CAMKMT: variants seen among roughly 807,000 people sequenced by gnomAD.
CAMKMT encodes the protein calmodulin-lysine N-methyltransferase.
In CAMKMT, 53 loss-of-function variants were observed where a neutral mutation model predicts 48.0. The ratio of observed to expected loss-of-function variants is 1.10; its 90% CI spans 0.89 to 1.39. The LOEUF is 1.39. CAMKMT is among the 40% of genes most tolerant of loss of function. CAMKMT has a pLI of 0.00. For missense variants in CAMKMT, 428 were observed against 402.7 expected (o/e 1.06, Z -0.54); for synonymous variants, 165 against 152.3 (o/e 1.08, Z -0.61).
At chr2:44,668,593 C>T (rs1675143283) in intron 3 of CAMKMT, among the ~76,000 whole-genome samples, 1 of 152,066 alleles carries the variant, frequency 6.6e-6, no homozygotes, top group Non-Finnish European at 1.5e-5. Flanking sequence ...TATTGCCTCA[C>T]CTCCAGTTCA....
chr2:44,671,375 A>G (rs2104127089), intron 3 of CAMKMT, among the ~76,000 whole-genome samples: 1 of 152,334 alleles, frequency 6.6e-6, no homozygotes, highest in East Asian at 1.9e-4. Context: ...AAAGCCTCAG[A>G]TGGGTAACAG....
intron 3 of CAMKMT, among the ~76,000 whole-genome samples, chr2:44,522,959 G>C (rs1051760046): frequency 3.3e-5 from 5 of 151,394 alleles, no homozygotes; most frequent in Admixed American, 2.0e-4. Context: ...ATTTCAAGCT[G>C]TTACACAAGG....
intron 3 of CAMKMT, among the ~76,000 whole-genome samples, chr2:44,614,546 G>C (rs1386501988): frequency 6.6e-6 from 1 of 152,126 alleles, no homozygotes; most frequent in Non-Finnish European, 1.5e-5. Flanking sequence ...AGCAAGATAA[G>C]CAGAACATAA....
At chr2:44,682,655 GC>G (rs907195277) in intron 3 of CAMKMT, among the ~76,000 whole-genome samples, 1 of 152,152 alleles carries the variant, frequency 6.6e-6, no homozygotes, top group Non-Finnish European at 1.5e-5. Context: ...AGACGACCGA[GC>G]TATCACAGCC....
chr2:44,531,665 A>G (rs543988490), intron 3 of CAMKMT, among the ~76,000 whole-genome samples: 1 of 152,250 alleles, frequency 6.6e-6, no homozygotes, highest in East Asian at 1.9e-4. Flanking sequence ...AAGTAAATAA[A>G]CAGTGATACT....
intron 2 of CAMKMT, among the ~76,000 whole-genome samples, chr2:44,375,095 C>T (rs922426933): frequency 6.6e-6 from 1 of 152,032 alleles, no homozygotes; most frequent in Admixed American, 6.6e-5. Flanking sequence ...CATGCCACTG[C>T]ACTCCAGTTT....
chr2:44,549,587 G>T lies in CAMKMT; in HGVS notation c.377-154696G>T, dbSNP rs1397591190. 38 of 689,100 alleles carry T rather than the reference G, an allele frequency of 5.5e-5. No homozygotes were observed. In the Admixed American group the frequency reaches 7.9e-4, roughly 14 times the overall value. The allele number at this position is 689,100 out of a possible 1,614,324, so 42.7% of individuals were successfully genotyped here. On this transcript the variant is annotated intron_variant, in intron 3 of 10. Coordinates refer to ENST00000378494, the MANE Select transcript of CAMKMT (RefSeq NM_024766.5). Reference sequence around the variant, plus strand: ...GTCTCACTCTGTTGCCCAGGCTGGAGTGCAGTGGTGATCATAACTCAGTGC... The same window carrying T: ...GTCTCACTCTGTTGCCCAGGCTGGATTGCAGTGGTGATCATAACTCAGTGC...
intron 3 of CAMKMT, among the ~76,000 whole-genome samples, chr2:44,438,802 AT>A (rs1666450866): frequency 6.6e-6 from 1 of 152,052 alleles, no homozygotes; most frequent in Non-Finnish European, 1.5e-5. Context: ...GGTTCAAGTG[AT>A]TCTCCTGCCT....
At chr2:44,635,316 A>C (rs949169657) in intron 3 of CAMKMT, among the ~76,000 whole-genome samples, 1 of 152,224 alleles carries the variant, frequency 6.6e-6, no homozygotes, top group Non-Finnish European at 1.5e-5. Flanking sequence ...AGTTATTGTT[A>C]TGAAAGCTAC....
At chr2:44,521,577 C>G (rs1671114809) in intron 3 of CAMKMT, among the ~76,000 whole-genome samples, 1 of 152,242 alleles carries the variant, frequency 6.6e-6, no homozygotes, top group Non-Finnish European at 1.5e-5. Context: ...TCACGCCCGT[C>G]TAGTATCCCA....
intron 3 of CAMKMT, among the ~76,000 whole-genome samples, chr2:44,628,156 C>G (rs1672603195): frequency 6.6e-6 from 1 of 152,104 alleles, no homozygotes; most frequent in South Asian, 2.1e-4. Flanking sequence ...CTATGTCACC[C>G]AGGCTAGTCT....
intron 7 of CAMKMT, among the ~76,000 whole-genome samples, chr2:44,731,623 G>A (rs1403461668): frequency 6.6e-6 from 1 of 152,136 alleles, no homozygotes; most frequent in Non-Finnish European, 1.5e-5. Flanking sequence ...AATTGACTTG[G>A]TTTTGTTTTT....
chr2:44,419,641 A>G lies in CAMKMT; in HGVS notation c.376+29336A>G, dbSNP rs376532098. On this transcript the variant is annotated intron_variant, in intron 3 of 10. Coordinates refer to ENST00000378494, the MANE Select transcript of CAMKMT (RefSeq NM_024766.5). The stretch of plus-strand genomic sequence containing the variant: ...GTCACCCAGCCTGGAGTGCAGTGGC[A>G]CAGTCATCACCGTAACCCTGAACTT... Among the ~76,000 whole-genome samples, 6 of 152,236 alleles carry G rather than the reference A, an allele frequency of 3.9e-5. No homozygotes were observed. In the South Asian group the frequency reaches 1.0e-3, roughly 26 times the overall value.
intron 3 of CAMKMT, among the ~76,000 whole-genome samples, chr2:44,510,167 C>G (rs537376569): frequency 6.6e-6 from 1 of 152,314 alleles, no homozygotes; most frequent in African/African-American, 2.4e-5. Context: ...TATCCTTTTT[C>G]TGGTCCATGA....
intron 3 of CAMKMT, among the ~76,000 whole-genome samples, chr2:44,475,907 C>A (rs1489540798): frequency 6.6e-6 from 1 of 152,194 alleles, no homozygotes; most frequent in East Asian, 1.9e-4. Context: ...TGCTCACCTA[C>A]TTATGTCCCT....
Position 44,443,148 on chromosome 2 carries a change from G to A in CAMKMT, c.376+52843G>A, listed in dbSNP as rs1666775380. On this transcript the variant is annotated intron_variant, in intron 3 of 10. Coordinates refer to ENST00000378494, the MANE Select transcript of CAMKMT (RefSeq NM_024766.5). ...GACTCATTTCACATCAAAATCTAAAGTGTGAAAAAATGTTCGTATCATTTG... is the reference window on the plus strand; with the variant it reads ...GACTCATTTCACATCAAAATCTAAAATGTGAAAAAATGTTCGTATCATTTG... 3.9e-5 allele frequency among the ~76,000 whole-genome samples: 6 copies of A among 152,106 alleles called. No homozygotes were observed. In the South Asian group the frequency reaches 1.2e-3, roughly 32 times the overall value.
intron 3 of CAMKMT, among the ~76,000 whole-genome samples, chr2:44,429,929 A>G (rs1438011995): frequency 2.0e-5 from 3 of 151,926 alleles, no homozygotes; most frequent in Non-Finnish European, 2.9e-5. Context: ...TAGTGATTAT[A>G]TATATGTGTA....
chr2:44,470,160 G>A (rs1419627079), intron 3 of CAMKMT, among the ~76,000 whole-genome samples: 2 of 151,870 alleles, frequency 1.3e-5, no homozygotes, highest in Non-Finnish European at 2.9e-5. Context: ...AAATATTTAG[G>A]TAGGAGGGTT....
rs762707227 is a variant in CAMKMT at position 44,754,096 on chromosome 2, T to C, written c.740T>C (p.Ile247Thr). The part of the protein sequence containing the change: ...DQYRASLVDA[I>T]KRLLQPRGKA... ...TACAGAGCCAGCCTTGTTGATGCAA[T>C]AAAGAGATTACTCCAGCCCAGGGTA... The change falls in exon 9 of 11, where the codon ATA (isoleucine) becomes ACA (threonine). Residue 247 changes from isoleucine (I) to threonine (T), a missense_variant. By Grantham distance (89) the Ile-to-Thr change is moderately conservative. Coordinates refer to ENST00000378494, the MANE Select transcript of CAMKMT (RefSeq NM_024766.5). 1.9e-6 allele frequency: 3 copies of C among 1,613,904 alleles called. No individual in the cohort carries two copies. The highest frequency in any genetic ancestry group is 2.5e-6 in the Non-Finnish European group (3 of 1,179,784).
Sources: allele counts gnomAD v4.1 joint callset (sites outside exome capture counted in the v4.1 genomes callset), GRCh38; gene constraint gnomAD v4.1.1; transcripts MANE v1.5; gene names NCBI Gene and HGNC (gene_info 2026-07-23, HGNC 2026-07-21).